GSDME: variants seen among roughly 807,000 people sequenced by gnomAD.
GSDME encodes the protein gasdermin-E.
In GSDME, 44 loss-of-function variants were observed where a neutral mutation model predicts 47.5. The observed-to-expected ratio is 0.93, with a 90% CI of 0.73 to 1.19. GSDME has a LOEUF of 1.19. Among genes scored for constraint, GSDME ranks in the 50% most tolerant of loss-of-function variants. The pLI, the probability that GSDME is intolerant of heterozygous loss-of-function variation, is 0.00. For synonymous variants in GSDME, 258 were observed against 252.8 expected, an observed-to-expected ratio of 1.02 and a Z score of -0.20; for missense variants, 663 against 604.2, an observed-to-expected ratio of 1.10 and a Z score of -1.02.
the GSDME span, among the ~76,000 whole-genome samples, chr7:24,769,272 G>A: frequency 6.6e-6 from 1 of 152,156 alleles, no homozygotes; most frequent in Non-Finnish European, 1.5e-5. Flanking sequence ...ATGAACTGCT[G>A]GAAGCTCAGG....
chr7:24,699,461 G>A (rs575213046), intron 9 of GSDME, among the ~76,000 whole-genome samples: 1 of 152,190 alleles, frequency 6.6e-6, no homozygotes, highest in South Asian at 2.1e-4. Context: ...TTTTGCCTCA[G>A]CCTCCCGAGT....
chr7:24,753,319 G>A (rs1318213199), intron 1 of GSDME, among the ~76,000 whole-genome samples: 3 of 152,214 alleles, frequency 2.0e-5, no homozygotes, highest in African/African-American at 7.2e-5. Context: ...TTATAGAGGT[G>A]TAGTTAAAAG....
the GSDME span, among the ~76,000 whole-genome samples, chr7:24,787,948 G>A: frequency 6.6e-5 from 10 of 152,262 alleles, no homozygotes; most frequent in African/African-American, 2.2e-4. This position sits in a 1 kb window ranked among gnomAD's most constrained non-coding sequence, Gnocchi z 5.0. Flanking sequence ...CTTGTGACCT[G>A]CCCACCTCGG....
At chr7:24,768,874 G>A in the GSDME span, among the ~76,000 whole-genome samples, 5 of 152,180 alleles carry the variant, frequency 3.3e-5, no homozygotes, top group Non-Finnish European at 7.4e-5. The surrounding 1 kb of genome is among the most constrained non-coding windows in gnomAD (Gnocchi z 5.6). Context: ...AATGAGTGAA[G>A]ATAAAGAGAG....
the GSDME span, among the ~76,000 whole-genome samples, chr7:24,765,786 CTTAT>C: frequency 6.6e-6 from 1 of 152,146 alleles, no homozygotes. Context: ...TTTTGGATTG[CTTAT>C]TTTTGTCCAG....
At chr7:24,790,270 G>A in the GSDME span, among the ~76,000 whole-genome samples, 1 of 152,200 alleles carries the variant, frequency 6.6e-6, no homozygotes, top group Non-Finnish European at 1.5e-5. This position sits in a 1 kb window ranked among gnomAD's most constrained non-coding sequence, Gnocchi z 4.1. Flanking sequence ...AAGACAGCTT[G>A]TAACCATATG....
the GSDME span, among the ~76,000 whole-genome samples, chr7:24,779,498 G>GGTGTGTGTGTGTGTGTGTGTGTGTGT: frequency 2.2e-4 from 32 of 143,046 alleles, no homozygotes; most frequent in African/African-American, 8.5e-4. The surrounding 1 kb of genome is among the most constrained non-coding windows in gnomAD (Gnocchi z 6.0). Flanking sequence ...AGTGATACAT[G>GGTGTGTGTGTGTGTGTGTGTGTGTGT]GTGTGTGTGT....
At chr7:24,730,279 T>A (rs1790103092) in intron 3 of GSDME, among the ~76,000 whole-genome samples, 1 of 152,176 alleles carries the variant, frequency 6.6e-6, no homozygotes, top group Admixed American at 6.5e-5. Flanking sequence ...GAGACACATA[T>A]TTTTTTCTTT....
chr7:24,708,989 T>C (rs916857014), intron 6 of GSDME, among the ~76,000 whole-genome samples: 7 of 152,216 alleles, frequency 4.6e-5, no homozygotes, highest in African/African-American at 1.7e-4. Context: ...AAAGATTTGA[T>C]AAAGGTTTCG....
Position 24,735,212 on chromosome 7 carries a change from A to C in GSDME, c.404+9350T>G, listed in dbSNP as rs1176216887. Among the ~76,000 whole-genome samples the C allele has an allele frequency of 6.6e-6, 1 of 152,240 alleles. No individual in the cohort carries two copies. The highest frequency in any genetic ancestry group is 6.5e-5 in the Admixed American group (1 of 15,290). On this transcript the variant is annotated intron_variant, in intron 3 of 9. Transcript: ENST00000645220. This position sits in a 1 kb window ranked among gnomAD's most constrained non-coding sequence, Gnocchi z 4.4. Reference sequence around the variant, plus strand: ...TATTCAGCAAAACTATCCTTCAAACATGAAGGAGAAACATAGACTTTCTCA... The same window carrying C: ...TATTCAGCAAAACTATCCTTCAAACCTGAAGGAGAAACATAGACTTTCTCA...
chr7:24,786,704 G>C, the GSDME span, among the ~76,000 whole-genome samples: 7 of 152,248 alleles, frequency 4.6e-5, no homozygotes, highest in South Asian at 1.5e-3. This position sits in a 1 kb window ranked among gnomAD's most constrained non-coding sequence, Gnocchi z 5.5. Flanking sequence ...TTTCAGTTTG[G>C]GATGGTGAAA....
rs34712480 is a variant in GSDME at position 24,754,485 on chromosome 7, CAA to C, written c.-20+2909_-20+2910del. ...GGGCAACAAGAGCGAAACTTTGTCT[CAA>C]AAAAAAAAAAAAAAAGTTGTATTAG... On this transcript the variant is annotated intron_variant, in intron 1 of 9. Transcript: ENST00000645220. The surrounding 1 kb of genome is among the most constrained non-coding windows in gnomAD (Gnocchi z 5.0). 0.35 allele frequency among the ~76,000 whole-genome samples: 45,923 copies of C among 131,432 alleles called. 10,539 individuals are homozygous for C. The highest frequency in any genetic ancestry group is 0.67 in the African/African-American group (25,771 of 38,406). 86.2% of individuals were successfully genotyped at this position (131,432 alleles called of 152,430 possible). A position where few individuals can be genotyped will look rare whatever the true frequency, so the allele number is the denominator to read the frequency against.
intron 4 of GSDME, among the ~76,000 whole-genome samples, chr7:24,717,921 C>G (rs1197112407): frequency 1.3e-5 from 2 of 152,208 alleles, no homozygotes; most frequent in Non-Finnish European, 2.9e-5. Flanking sequence ...TGCCTTTAAA[C>G]ACTCTCACAA....
chr7:24,771,517 T>C, the GSDME span, among the ~76,000 whole-genome samples: 519 of 152,296 alleles, frequency 3.4e-3, 4 homozygotes, highest in African/African-American at 0.012. This position sits in a 1 kb window ranked among gnomAD's most constrained non-coding sequence, Gnocchi z 4.1. Flanking sequence ...TTTGGTGCAG[T>C]AGAAGGAATG....
chr7:24,700,756 T>C (rs561433012), intron 9 of GSDME, among the ~76,000 whole-genome samples: 2 of 152,336 alleles, frequency 1.3e-5, no homozygotes, highest in East Asian at 3.9e-4. Flanking sequence ...GAGAGTAGAT[T>C]AGACCTGCTC....
rs1313102640 is a variant in GSDME at position 24,744,654 on chromosome 7, C to T, written c.312G>A (p.Gly104=). ...TALGKVKLNL[G]GSSRVESQSS... ...ACTGGCTCTCTACGCGGCTGCTGCC[C>T]CCCAGGTTCAGCTTGACCTTCCCCA... The change falls in exon 3 of 10, where the codon GGG becomes GGA. Residue 104 remains glycine, a synonymous_variant. Transcript: ENST00000645220. The surrounding 1 kb of genome is among the most constrained non-coding windows in gnomAD (Gnocchi z 4.5). 6.2e-7 allele frequency: 1 copy of T among 1,614,094 alleles called. No homozygotes were observed. Among genetic ancestry groups the T allele is most frequent in the Non-Finnish European group, 8.5e-7 (1 of 1,180,050 alleles).
intron 9 of GSDME, among the ~76,000 whole-genome samples, chr7:24,702,256 T>C (rs1026037879): frequency 6.6e-6 from 1 of 152,212 alleles, no homozygotes; most frequent in African/African-American, 2.4e-5. Context: ...ACCTAACTCA[T>C]GCTCTTAGAA....
At chr7:24,777,133 A>G in the GSDME span, among the ~76,000 whole-genome samples, 15 of 152,168 alleles carry the variant, frequency 9.9e-5, no homozygotes, top group African/African-American at 3.6e-4. Context: ...TATGAATTCG[A>G]AAGAAGCTTG....
upstream of GSDME, chr7:24,757,478 G>A (rs1367168371): frequency 6.6e-6 from 1 of 151,802 alleles, no homozygotes; most frequent in Non-Finnish European, 1.5e-5. The surrounding 1 kb of genome is among the most constrained non-coding windows in gnomAD (Gnocchi z 5.9). Flanking sequence ...CCGGCGGGGG[G>A]CGGGCGCTTG....
Sources: allele counts gnomAD v4.1 joint callset (sites outside exome capture counted in the v4.1 genomes callset), GRCh38; gene constraint gnomAD v4.1.1; non-coding constraint Gnocchi (gnomAD v3.1); transcripts MANE v1.5; gene names NCBI Gene and HGNC (gene_info 2026-07-23, HGNC 2026-07-21).